The following GRM8 variants were observed in gnomAD, a reference collection of about 807,000 sequenced individuals.
The protein encoded by GRM8 is glutamate metabotropic receptor 8.
GRM8 carries 47 observed loss-of-function variants against 87.2 expected under a neutral mutation model. The observed-to-expected ratio is 0.54, with a 90% CI of 0.43 to 0.69. The LOEUF (loss-of-function observed/expected upper bound fraction) is 0.69, where lower values mean the gene tolerates loss of function less well. GRM8 is among the 30% of genes least tolerant of loss of function. The pLI, the probability that GRM8 is intolerant of heterozygous loss-of-function variation, is 0.00. For synonymous variants in GRM8, 396 were observed against 404.5 expected (o/e 0.98, Z 0.25); for missense variants, 1,019 against 1,139.2 (o/e 0.89, Z 1.52).
At chr7:126,714,316 AT>A (rs1336805510) in intron 7 of GRM8, among the ~76,000 whole-genome samples, 121 of 148,282 alleles carry the variant, frequency 8.2e-4, no homozygotes, top group African/African-American at 2.7e-3. Context: ...AATAATAATA[AT>A]AATAATAAAT....
At position 126,936,857 on chromosome 7, in the gene GRM8, T is replaced by C. The variant is rs1044625672; in HGVS notation, c.728-32174A>G. ...ATCCTGGGCCACCTACCCACCTTGA[T>C]TGAGACCATTGGGTAAAAAAGAAAG... On this transcript the variant is annotated intron_variant, in intron 3 of 10. Transcript: ENST00000339582. 2.0e-5 allele frequency among the ~76,000 whole-genome samples: 3 copies of C among 152,176 alleles called. No individual in the cohort carries two copies. The East Asian group carries it at 5.8e-4, about 29-fold the overall frequency.
intron 3 of GRM8, among the ~76,000 whole-genome samples, chr7:127,015,047 A>T (rs1002304472): frequency 7.9e-6 from 1 of 127,036 alleles, no homozygotes; most frequent in African/African-American, 2.8e-5. Flanking sequence ...GAAGAAGAAG[A>T]AGAAGAAGAA....
At chr7:127,060,013 C>T (rs963746534) in intron 3 of GRM8, among the ~76,000 whole-genome samples, 1 of 152,150 alleles carries the variant, frequency 6.6e-6, no homozygotes, top group Non-Finnish European at 1.5e-5. Context: ...ACATTAAGCC[C>T]CACATGAAAG....
chr7:126,996,180 G>C (rs939850749), intron 3 of GRM8, among the ~76,000 whole-genome samples: 1 of 151,970 alleles, frequency 6.6e-6, no homozygotes, highest in Admixed American at 6.6e-5. Flanking sequence ...ATCAATACCA[G>C]ACCTGCCCTA....
chr7:126,810,240 C>T (rs1793161627), intron 6 of GRM8, among the ~76,000 whole-genome samples: 1 of 152,058 alleles, frequency 6.6e-6, no homozygotes, highest in South Asian at 2.1e-4. Flanking sequence ...AGATACTCTC[C>T]TCTAAGAGGA....
intron 7 of GRM8, among the ~76,000 whole-genome samples, chr7:126,746,011 A>T (rs1185918300): frequency 6.6e-6 from 1 of 151,796 alleles, no homozygotes; most frequent in Non-Finnish European, 1.5e-5. Context: ...GCCCTAAAGA[A>T]AGCTAAGAGA....
intron 6 of GRM8, among the ~76,000 whole-genome samples, chr7:126,832,665 G>T (rs965091302): frequency 2.6e-5 from 4 of 152,174 alleles, no homozygotes; most frequent in African/African-American, 9.6e-5. Flanking sequence ...TGAGAGAGTA[G>T]CTGCAGGCTT....
chr7:127,106,464 C>G, intron 3 of GRM8, 32 bp downstream of exon 3: 1 of 1,562,638 alleles, frequency 6.4e-7, no homozygotes, highest in Non-Finnish European at 8.8e-7. Context: ...CTGTCACCTC[C>G]AAATACAATC....
intron 6 of GRM8, among the ~76,000 whole-genome samples, chr7:126,820,063 AT>A (rs1794160581): frequency 6.6e-6 from 1 of 152,190 alleles, no homozygotes; most frequent in Non-Finnish European, 1.5e-5. Context: ...ATTTTATTTC[AT>A]TTAAACAATT....
At chr7:126,501,227 G>A (rs1809597094) in intron 9 of GRM8, among the ~76,000 whole-genome samples, 1 of 151,980 alleles carries the variant, frequency 6.6e-6, no homozygotes, top group Non-Finnish European at 1.5e-5. Flanking sequence ...AGTGGAAAAT[G>A]ATTTTTTAAA....
chr7:126,770,401 G>C (rs1818711877), intron 6 of GRM8, among the ~76,000 whole-genome samples: 1 of 151,994 alleles, frequency 6.6e-6, no homozygotes, highest in South Asian at 2.1e-4. Flanking sequence ...TAAGTAAAAT[G>C]TGCAGTGTGT....
intron 7 of GRM8, among the ~76,000 whole-genome samples, chr7:126,713,690 C>T (rs1476231009): frequency 3.3e-5 from 5 of 150,496 alleles, no homozygotes; most frequent in African/African-American, 4.9e-5. Context: ...CAGTGGCATT[C>T]TTCAAAGGCT....
intron 6 of GRM8, among the ~76,000 whole-genome samples, chr7:126,819,267 G>GACACATAC (rs1794072517): frequency 1.8e-5 from 1 of 54,862 alleles, no homozygotes; most frequent in African/African-American, 6.7e-5. Context: ...TATTCAGACA[G>GACACATAC]ACACACATAC....
chr7:126,607,070 T>C (rs1170221527), intron 8 of GRM8, among the ~76,000 whole-genome samples: 1 of 152,238 alleles, frequency 6.6e-6, no homozygotes, highest in Non-Finnish European at 1.5e-5. Context: ...ATCTTAGACC[T>C]TGTCAAAACA....
At chr7:126,863,825 T>C (rs956975676) in intron 6 of GRM8, among the ~76,000 whole-genome samples, 2 of 152,232 alleles carry the variant, frequency 1.3e-5, no homozygotes, top group Middle Eastern at 6.8e-3. Context: ...TAGTTCATAA[T>C]GCATATTTGA....
At chr7:126,539,389 A>G (rs1011019876) in intron 8 of GRM8, among the ~76,000 whole-genome samples, 1 of 152,054 alleles carries the variant, frequency 6.6e-6, no homozygotes, top group African/African-American at 2.4e-5. Flanking sequence ...TACATATTCA[A>G]CACAATCCCA....
intron 7 of GRM8, among the ~76,000 whole-genome samples, chr7:126,715,838 C>T (rs933442909): frequency 6.6e-6 from 1 of 152,124 alleles, no homozygotes; most frequent in Non-Finnish European, 1.5e-5. Context: ...TTTTCAAATA[C>T]CCTTTCTATC....
rs144571675 is a variant in GRM8 at position 126,961,041 on chromosome 7, C to G, written c.728-56358G>C. Among the ~76,000 whole-genome samples, 319 of 152,146 alleles carry G rather than the reference C, an allele frequency of 2.1e-3. 1 individual carries two copies. The highest frequency in any genetic ancestry group is 3.9e-3 in the Non-Finnish European group (263 of 68,006). On this transcript the variant is annotated intron_variant, in intron 3 of 10. Coordinates refer to ENST00000339582, the MANE Select transcript of GRM8 (RefSeq NM_000845.3). ...ATTCATACATCAAACAATTCTCCTT[C>G]TTCATTTTCATAAAGACAGTTCTGA...
chr7:126,775,479 G>GTTTTTTTTTTTTTTTTTTTTTTTTTTT (rs372733476), intron 6 of GRM8, among the ~76,000 whole-genome samples: 1 of 104,748 alleles, frequency 9.5e-6, no homozygotes, highest in African/African-American at 4.3e-5. Flanking sequence ...TGACAAATAG[G>GTTTTTTTTTTTTTTTTTTTTTTTTTTT]TTTTTTTTTT....
Sources: allele counts gnomAD v4.1 joint callset (sites outside exome capture counted in the v4.1 genomes callset), GRCh38; gene constraint gnomAD v4.1.1; transcripts MANE v1.5; gene names NCBI Gene and HGNC (gene_info 2026-07-23, HGNC 2026-07-21).